Variants in VAT1L observed in about 807,000 individuals in gnomAD.
VAT1L encodes the protein vesicle amine transport 1 like.
A neutral mutation model predicts 44.1 loss-of-function variants in VAT1L; 34 were observed. That is an observed-to-expected ratio of 0.77 (90% confidence interval 0.59 to 1.03). The LOEUF (loss-of-function observed/expected upper bound fraction) is 1.03. Ranked by LOEUF, VAT1L falls within the 50% of genes least tolerant of loss-of-function variation. The probability of loss-of-function intolerance (pLI) is 0.00; values close to 1 mark genes in which losing one functional copy is unlikely to be tolerated. For missense variants in VAT1L, 615 were observed against 538.8 expected (o/e 1.14, Z -1.40); for synonymous variants, 253 against 202.2 (o/e 1.25, Z -2.13).
intron 7 of VAT1L, among the ~76,000 whole-genome samples, chr16:77,891,961 A>C (rs1046905201): frequency 6.6e-6 from 1 of 152,258 alleles, no homozygotes; most frequent in Admixed American, 6.5e-5. Flanking sequence ...AGTCCCAGCT[A>C]CTCGGGGGGC....
At chr16:77,955,148 C>T (rs1376327308) in intron 7 of VAT1L, among the ~76,000 whole-genome samples, 1 of 152,146 alleles carries the variant, frequency 6.6e-6, no homozygotes, top group Non-Finnish European at 1.5e-5. Flanking sequence ...TGAGATGGGG[C>T]AGGTGCATGC....
Position 77,903,812 on chromosome 16 carries a change from C to T in VAT1L, c.1077+19010C>T, listed in dbSNP as rs1412810054. ...AGTGCAGTGGCGTGATCTCGGCTCACTGCAAGCTCCGCCTCCTGGGTTCAT... is the reference window on the plus strand; with the variant it reads ...AGTGCAGTGGCGTGATCTCGGCTCATTGCAAGCTCCGCCTCCTGGGTTCAT... On this transcript the variant is annotated intron_variant, in intron 7 of 8. Transcript: ENST00000302536. Among the ~76,000 whole-genome samples the T allele has an allele frequency of 2.0e-5, 3 of 149,696 alleles. No homozygotes were observed. In the South Asian group the frequency reaches 6.4e-4, roughly 32 times the overall value.
intron 2 of VAT1L, among the ~76,000 whole-genome samples, chr16:77,817,639 C>A (rs368183121): frequency 3.9e-5 from 6 of 152,050 alleles, no homozygotes; most frequent in East Asian, 1.9e-4. Context: ...GGGAAATGGG[C>A]AAAAAGGTTT....
intron 3 of VAT1L, among the ~76,000 whole-genome samples, chr16:77,846,846 G>A (rs1175311599): frequency 1.3e-5 from 2 of 151,772 alleles, no homozygotes; most frequent in South Asian, 4.2e-4. Context: ...GTATATAGTG[G>A]TGTATTCAGT....
intron 7 of VAT1L, among the ~76,000 whole-genome samples, chr16:77,885,916 T>A (rs2017204774): frequency 6.6e-6 from 1 of 152,170 alleles, no homozygotes; most frequent in Admixed American, 6.5e-5. Flanking sequence ...AGCAGGAATG[T>A]GCCTATATCT....
At chr16:77,972,166 T>C (rs2018285531) in intron 8 of VAT1L, among the ~76,000 whole-genome samples, 1 of 152,268 alleles carries the variant, frequency 6.6e-6, no homozygotes, top group South Asian at 2.1e-4. Context: ...TCTGAAGGCA[T>C]AGGCAGGAAA....
chr16:77,910,142 T>C (rs1413433213), intron 7 of VAT1L, among the ~76,000 whole-genome samples: 1 of 152,258 alleles, frequency 6.6e-6, no homozygotes, highest in Non-Finnish European at 1.5e-5. Context: ...CCTGAAGTCC[T>C]ACTTGATTCC....
At chr16:77,873,831 A>C (rs892742585) in intron 4 of VAT1L, among the ~76,000 whole-genome samples, 1 of 152,174 alleles carries the variant, frequency 6.6e-6, no homozygotes, top group African/African-American at 2.4e-5. Flanking sequence ...GTCCAGGCAG[A>C]GATGACAGCA....
At chr16:77,864,069 T>C (rs74027228) in intron 4 of VAT1L, among the ~76,000 whole-genome samples, 3 of 152,060 alleles carry the variant, frequency 2.0e-5, no homozygotes, top group African/African-American at 7.3e-5. Flanking sequence ...GGCCACATGT[T>C]TGTCAGCACA....
At chr16:77,821,451 T>C (rs1201470841) in intron 2 of VAT1L, among the ~76,000 whole-genome samples, 2 of 151,984 alleles carry the variant, frequency 1.3e-5, no homozygotes, top group African/African-American at 4.8e-5. Flanking sequence ...CAGCCACACC[T>C]GGCTAATTTT....
chr16:77,825,789 G>C (rs2016512794), intron 3 of VAT1L, among the ~76,000 whole-genome samples: 1 of 151,678 alleles, frequency 6.6e-6, no homozygotes, highest in Non-Finnish European at 1.5e-5. Flanking sequence ...GGCAGAGGCG[G>C]GCAGATCACG....
intron 7 of VAT1L, among the ~76,000 whole-genome samples, chr16:77,903,737 T>C (rs1030829294): frequency 6.8e-6 from 1 of 147,686 alleles, no homozygotes; most frequent in African/African-American, 2.5e-5. Context: ...CTCATTACTT[T>C]TTTTTTTTTT....
intron 7 of VAT1L, among the ~76,000 whole-genome samples, chr16:77,938,802 A>G (rs2017837211): frequency 6.6e-6 from 1 of 152,236 alleles, no homozygotes; most frequent in Non-Finnish European, 1.5e-5. Flanking sequence ...ACAGACTAAT[A>G]CAGCAAAAAT....
At chr16:77,933,380 A>T (rs2017754212) in intron 7 of VAT1L, among the ~76,000 whole-genome samples, 1 of 152,244 alleles carries the variant, frequency 6.6e-6, no homozygotes, top group African/African-American at 2.4e-5. Context: ...GGATTGATTA[A>T]ATCAGAAATC....
At chr16:77,810,528 G>A (rs1276478546) in intron 1 of VAT1L, among the ~76,000 whole-genome samples, 10 of 152,150 alleles carry the variant, frequency 6.6e-5, no homozygotes, top group Non-Finnish European at 1.0e-4. Context: ...GGCCGGGCAC[G>A]GTGGCCCAGC....
At position 77,922,548 on chromosome 16, in the gene VAT1L, T is replaced by C. The variant is rs180969354; in HGVS notation, c.1077+37746T>C. Among the ~76,000 whole-genome samples, 428 of 152,222 alleles carry C rather than the reference T, an allele frequency of 2.8e-3. 5 individuals are homozygous for C. The highest frequency in any genetic ancestry group is 9.9e-3 in the African/African-American group (411 of 41,524). On this transcript the variant is annotated intron_variant, in intron 7 of 8. Coordinates refer to ENST00000302536, the MANE Select transcript of VAT1L (RefSeq NM_020927.3). The stretch of plus-strand genomic sequence containing the variant: ...GTCAGCGGCTTGTCACAGCTGGGCA[T>C]GTGATGAAGAGAGAGGTGCTGTGAC...
At chr16:77,808,257 ACTT>A (rs1247462269) in intron 1 of VAT1L, among the ~76,000 whole-genome samples, 3 of 152,064 alleles carry the variant, frequency 2.0e-5, no homozygotes, top group African/African-American at 7.2e-5. Flanking sequence ...TAGGTTGTGT[ACTT>A]CTTATGAAAA....
At chr16:77,970,319 T>C (rs2018266009) in intron 7 of VAT1L, among the ~76,000 whole-genome samples, 1 of 152,350 alleles carries the variant, frequency 6.6e-6, no homozygotes, top group East Asian at 1.9e-4. Context: ...ACTGATTTGA[T>C]AATATGTTAC....
intron 7 of VAT1L, among the ~76,000 whole-genome samples, chr16:77,950,805 C>G (rs370487174): frequency 4.6e-5 from 7 of 152,122 alleles, no homozygotes; most frequent in African/African-American, 1.7e-4. Context: ...TTTCTACTGG[C>G]AAACATAAGG....
Sources: gnomAD v4.1 joint callset for allele counts (sites outside exome capture counted in the v4.1 genomes callset) on GRCh38, gnomAD v4.1.1 for gene constraint, MANE v1.5 for transcripts, NCBI Gene and HGNC (gene_info 2026-07-23, HGNC 2026-07-21) for gene names.